The following SLC32A1 variants were observed in gnomAD, a reference collection of about 807,000 sequenced individuals.
The protein encoded by SLC32A1 is vesicular inhibitory amino acid transporter.
SLC32A1 carries 8 observed loss-of-function variants against 35.5 expected under a neutral mutation model. The observed-to-expected ratio is 0.23, with a 90% confidence interval of 0.13 to 0.41. The LOEUF is 0.41. Ranked by LOEUF, SLC32A1 falls within the 10% of genes least tolerant of loss-of-function variation. The pLI, the probability that SLC32A1 is intolerant of heterozygous loss-of-function variation, is 1.00. For synonymous variants in SLC32A1, 317 were observed against 326.3 expected (o/e 0.97, Z 0.31); for missense variants, 493 against 722.3 (o/e 0.68, Z 3.64).
Position 38,728,074 on chromosome 20 carries a change from G to C in SLC32A1, c.1013G>C (p.Cys338Ser). 6.2e-6 allele frequency: 10 copies of C among 1,614,036 alleles called. No individual in the cohort carries two copies. Among genetic ancestry groups the C allele is most frequent in the Non-Finnish European group, 8.5e-6 (10 of 1,180,048 alleles). The change falls in exon 2 of 2, where the codon TGC becomes TCC. Residue 338 changes from cysteine (C) to serine (S), a missense_variant. Coordinates refer to ENST00000217420, the MANE Select transcript of SLC32A1 (RefSeq NM_080552.3). Reference sequence around the variant, plus strand: ...ATGCAGCAGCCCAGCGAGTTCCACTGCATGATGAACTGGACGCACATCGCA... The same window carrying C: ...ATGCAGCAGCCCAGCGAGTTCCACTCCATGATGAACTGGACGCACATCGCA... Reference protein sequence around the residue: ...GNMQQPSEFHCMMNWTHIAAC... With the variant: ...GNMQQPSEFHSMMNWTHIAAC...
Position 38,724,527 on chromosome 20 carries a change from C to G in SLC32A1, c.-198C>G. ...CCGCCGCCGCCGCCGCTCCGCCAGA[C>G]CTGCTGCCAGCTTGCCCGGTCCAGC... On this transcript the variant is annotated 5_prime_UTR_variant, in exon 1 of 2. Transcript: ENST00000217420. The G allele has an allele frequency of 1.5e-6, 1 of 669,864 alleles. No homozygotes were observed. The highest frequency in any genetic ancestry group is 2.4e-6 in the Non-Finnish European group (1 of 419,334). The allele number at this position is 669,864 out of a possible 1,614,324, so 41.5% of individuals were successfully genotyped here.
intron 1 of SLC32A1, 55 bp downstream of exon 1, chr20:38,725,169 C>T (rs761709737): frequency 2.0e-6 from 3 of 1,496,174 alleles, no homozygotes; most frequent in African/African-American, 1.4e-5. Flanking sequence ...CTCAGCGTGC[C>T]GGGCTCTGCC....
intron 1 of SLC32A1, 139 bp from the exon 2 acceptor site, chr20:38,727,313 C>A: frequency 1.4e-6 from 1 of 736,640 alleles, no homozygotes; most frequent in Non-Finnish European, 2.2e-6. Flanking sequence ...CTTAACCTCT[C>A]CTCCCCGGCG....
Position 38,728,333 on chromosome 20 carries a change from C to A in SLC32A1, c.1272C>A (p.Gly424=). ...CCTTTTTCCCGGCCTGCTACAGCGG[C>A]GACGGGCGCCTGAAGTCCTGGGGGC... ...SRAFFPACYS[G]DGRLKSWGLT... is the part of the protein sequence containing the mutation. The change falls in exon 2 of 2, where the codon GGC becomes GGA. Residue 424 remains glycine, a synonymous_variant. Coordinates refer to ENST00000217420, the MANE Select transcript of SLC32A1 (RefSeq NM_080552.3). The A allele has an allele frequency of 6.2e-7, 1 of 1,613,218 alleles. No individual in the cohort carries two copies. The highest frequency in any genetic ancestry group is 1.3e-5 in the African/African-American group (1 of 75,072).
chr20:38,727,728 G>A lies in SLC32A1; in HGVS notation c.667G>A (p.Val223Met). The A allele has an allele frequency of 6.2e-7, 1 of 1,614,246 alleles. No individual in the cohort carries two copies. The highest frequency in any genetic ancestry group is 8.5e-7 in the Non-Finnish European group (1 of 1,180,048). Reference protein sequence around the residue: ...ELVMTCILYVVVSGNLMYNSF... With the variant: ...ELVMTCILYVMVSGNLMYNSF... ...GGTGATGACGTGCATCCTGTACGTG[G>A]TGGTGAGTGGCAACCTCATGTACAA... Residue 223 changes from valine to methionine, a missense_variant, in exon 2 of 2, where the codon GTG (valine) becomes ATG (methionine). By Grantham distance (21) the Val-to-Met change is conservative. This residue lies in a region of SLC32A1 where 269 missense variants were observed against 445.6 expected (regional missense o/e 0.60). Coordinates refer to ENST00000217420, the MANE Select transcript of SLC32A1 (RefSeq NM_080552.3).
At position 38,725,111 on chromosome 20, in the gene SLC32A1, C is replaced by A. The variant is rs2084269902; in HGVS notation, c.387C>A (p.Ile129=). 2.6e-6 allele frequency: 4 copies of A among 1,509,928 alleles called. No individual in the cohort carries two copies. The highest frequency in any genetic ancestry group is 3.5e-6 in the Non-Finnish European group (4 of 1,129,858). 93.5% of individuals were successfully genotyped at this position (1,509,928 alleles called of 1,614,324 possible). ...WEAGWNVTNA[I]QGMFVLGLPY... is the part of the protein sequence containing the mutation. ...CAGGCTGGAACGTGACCAACGCCAT[C>A]CAGGTAAGCGCGGGATTCCCAGTTC... Residue 129 remains isoleucine, a synonymous_variant, in exon 1 of 2, where the codon ATC becomes ATA. Transcript: ENST00000217420.
rs912430319 is a variant in SLC32A1 at position 38,726,338 on chromosome 20, G to C, written c.391-1114G>C. ...TCCACCGGGCCCCGAACACCAGATG[G>C]CCCGACCCAAGGCGCTTTCCGCTCC... On this transcript the variant is annotated intron_variant, in intron 1 of 1. Transcript: ENST00000217420. The surrounding 1 kb of genome is among the most constrained non-coding windows in gnomAD (Gnocchi z 4.7). 1.1e-4 allele frequency among the ~76,000 whole-genome samples: 16 copies of C among 152,118 alleles called. No homozygotes were observed. Among genetic ancestry groups the C allele is most frequent in the African/African-American group, 3.9e-4 (16 of 41,420 alleles).
At position 38,728,781 on chromosome 20, in the gene SLC32A1, G is replaced by T; in HGVS notation, c.*142G>T. ...CTGGTTCCTAGTTTCTGATTATTCG[G>T]GGATGGGGGGGATGGGAGGGGACAG... On this transcript the variant is annotated 3_prime_UTR_variant, in exon 2 of 2. Coordinates refer to ENST00000217420, the MANE Select transcript of SLC32A1 (RefSeq NM_080552.3). The T allele has an allele frequency of 1.6e-6, 1 of 643,762 alleles. No homozygotes were observed. Among genetic ancestry groups the T allele is most frequent in the Non-Finnish European group, 2.6e-6 (1 of 380,932 alleles). The allele number at this position is 643,762 out of a possible 1,614,324, so 39.9% of individuals were successfully genotyped here.
rs2084288373 is a variant in SLC32A1, at chr20:38,728,734, G to A, written c.*95G>A. The A allele has an allele frequency of 1.7e-6, 2 of 1,169,814 alleles. No individual in the cohort carries two copies. The highest frequency in any genetic ancestry group is 1.6e-5 in the South Asian group (1 of 64,042). The allele number at this position is 1,169,814 out of a possible 1,614,324, so 72.5% of individuals were successfully genotyped here. On this transcript the variant is annotated 3_prime_UTR_variant, in exon 2 of 2. Coordinates refer to ENST00000217420, the MANE Select transcript of SLC32A1 (RefSeq NM_080552.3). ...CCAGTGCGCCCTGCCGCCGCGCTTG[G>A]GAGGCCAAGCTTTAAACATCTCTGG...
At position 38,728,108 on chromosome 20, in the gene SLC32A1, G is replaced by T. The variant is rs761643328; in HGVS notation, c.1047G>T (p.Val349=). The T allele has an allele frequency of 6.2e-7, 1 of 1,614,094 alleles. No individual in the cohort carries two copies. The highest frequency in any genetic ancestry group is 8.5e-7 in the Non-Finnish European group (1 of 1,180,044). The change falls in exon 2 of 2, where the codon GTG becomes GTT. Residue 349 remains valine, a synonymous_variant. Coordinates refer to ENST00000217420, the MANE Select transcript of SLC32A1 (RefSeq NM_080552.3). ...ACTGGACGCACATCGCAGCCTGCGT[G>T]CTCAAGGGCCTCTTCGCGCTCGTCG... ...MMNWTHIAAC[V]LKGLFALVAY...
In SLC32A1 at chr20:38,724,993, G is replaced by A; in HGVS notation, c.269G>A (p.Gly90Glu). 1 of 1,584,928 alleles carries A rather than the reference G, an allele frequency of 6.3e-7. No homozygotes were observed. Among genetic ancestry groups the A allele is most frequent in the East Asian group, 2.3e-5 (1 of 44,334 alleles). ...EGDIHYQRGS[G>E]APLPPSGSKD... is the part of the protein sequence containing the mutation. ...GACATCCATTATCAGCGAGGCAGCG[G>A]AGCTCCTCTGCCGCCCTCCGGCTCC... Residue 90 changes from glycine (G) to glutamate (E), a missense_variant, in exon 1 of 2, where the codon GGA becomes GAA. Transcript: ENST00000217420.
rs537071804 is a variant in SLC32A1, at chr20:38,728,723, C to T, written c.*84C>T. 183 of 1,322,808 alleles carry T rather than the reference C, an allele frequency of 1.4e-4. 5 individuals carry two copies. The South Asian group carries it at 2.6e-3, about 19-fold the overall frequency. The allele number at this position is 1,322,808 out of a possible 1,614,324, so 81.9% of individuals were successfully genotyped here. ...CCCCCACCAGCCCAGTGCGCCCTGC[C>T]GCCGCGCTTGGGAGGCCAAGCTTTA... On this transcript the variant is annotated 3_prime_UTR_variant, in exon 2 of 2. Transcript: ENST00000217420.
chr20:38,726,045 A>C lies in SLC32A1; in HGVS notation c.390+931A>C, dbSNP rs112009959. On this transcript the variant is annotated intron_variant, in intron 1 of 1. Transcript: ENST00000217420. This position sits in a 1 kb window ranked among gnomAD's most constrained non-coding sequence, Gnocchi z 4.7. ...CCTGCTCTCTAGGCCCTCTCCCCTT[A>C]TTCCTAACCCCCCACTCCCCACCAG... 2.0e-5 allele frequency among the ~76,000 whole-genome samples: 3 copies of C among 151,894 alleles called. No homozygotes were observed. In the East Asian group the frequency reaches 5.8e-4, roughly 30 times the overall value.
Position 38,726,400 on chromosome 20 carries a change from C to A in SLC32A1, c.391-1052C>A, listed in dbSNP as rs1219646368. ...AGACGGCCTTGCTGGATCACGGACC[C>A]GGGGCTGCTCCCGCCTTCGCTGTGC... On this transcript the variant is annotated intron_variant, in intron 1 of 1. Transcript: ENST00000217420. This position sits in a 1 kb window ranked among gnomAD's most constrained non-coding sequence, Gnocchi z 4.7. Among the ~76,000 whole-genome samples, 3 of 152,166 alleles carry A rather than the reference C, an allele frequency of 2.0e-5. No individual in the cohort carries two copies. The highest frequency in any genetic ancestry group is 4.8e-5 in the African/African-American group (2 of 41,448).
chr20:38,727,660 C>G lies in SLC32A1; in HGVS notation c.599C>G (p.Thr200Arg), dbSNP rs761280843. ...GCCTGCTGCGCCCCGCGCTTCCCAA[C>G]GCTGGGCGGCCGAGTGGTGAACGTA... ...ANACCAPRFPTLGGRVVNVAQ... is the reference protein window; with the variant it reads ...ANACCAPRFPRLGGRVVNVAQ... The change falls in exon 2 of 2, where the codon ACG becomes AGG. Residue 200 changes from threonine (T) to arginine (R), a missense_variant. Transcript: ENST00000217420. The G allele has an allele frequency of 3.7e-6, 6 of 1,614,054 alleles. No individual in the cohort carries two copies. Among genetic ancestry groups the G allele is most frequent in the Non-Finnish European group, 5.1e-6 (6 of 1,180,060 alleles).
chr20:38,728,129 C>G lies in SLC32A1; in HGVS notation c.1068C>G (p.Leu356=). The G allele has an allele frequency of 6.2e-7, 1 of 1,614,122 alleles. No individual in the cohort carries two copies. Among genetic ancestry groups the G allele is most frequent in the African/African-American group, 1.3e-5 (1 of 75,076 alleles). ...GCGTGCTCAAGGGCCTCTTCGCGCT[C>G]GTCGCCTACCTCACCTGGGCCGACG... The part of the protein sequence containing the change: ...AACVLKGLFA[L]VAYLTWADET... The change falls in exon 2 of 2, where the codon CTC becomes CTG. Residue 356 remains leucine (L), a synonymous_variant. Coordinates refer to ENST00000217420, the MANE Select transcript of SLC32A1 (RefSeq NM_080552.3).
rs1273399925 is a variant in SLC32A1, at chr20:38,726,803, T to C, written c.391-649T>C. On this transcript the variant is annotated intron_variant, in intron 1 of 1. Transcript: ENST00000217420. This position sits in a 1 kb window ranked among gnomAD's most constrained non-coding sequence, Gnocchi z 4.7. ...CGCTGCTCCCCAAGCGTCTTCACAT[T>C]GTCTCTGTTCTTGCCTCCCAGGGGC... is the stretch of plus-strand genomic sequence containing the variant. Among the ~76,000 whole-genome samples, 3 of 152,138 alleles carry C rather than the reference T, an allele frequency of 2.0e-5. No individual in the cohort carries two copies. Among genetic ancestry groups the C allele is most frequent in the Admixed American group, 1.3e-4 (2 of 15,282 alleles).
Position 38,725,085 on chromosome 20 carries a change from G to T in SLC32A1, c.361G>T (p.Ala121Ser). 1 of 1,518,964 alleles carries T rather than the reference G, an allele frequency of 6.6e-7. No homozygotes were observed. The highest frequency in any genetic ancestry group is 8.8e-7 in the Non-Finnish European group (1 of 1,134,944). The allele number at this position is 1,518,964 out of a possible 1,614,324, so 94.1% of individuals were successfully genotyped here. Reference protein sequence around the residue: ...HDKPKITAWEAGWNVTNAIQG... With the variant: ...HDKPKITAWESGWNVTNAIQG... The stretch of plus-strand genomic sequence containing the variant: ...CAAGCCCAAAATCACGGCGTGGGAG[G>T]CAGGCTGGAACGTGACCAACGCCAT... The change falls in exon 1 of 2, where the codon GCA (alanine) becomes TCA (serine). Residue 121 changes from alanine (A) to serine (S), a missense_variant. Around this residue, in one of 4 missense-constraint regions of SLC32A1, gnomAD observed 45 missense variants for 91.1 expected, o/e 0.49. Transcript: ENST00000217420.
rs555877509 is a variant in SLC32A1 at position 38,726,807 on chromosome 20, T to G, written c.391-645T>G. Among the ~76,000 whole-genome samples, 36 of 152,160 alleles carry G rather than the reference T, an allele frequency of 2.4e-4. No individual in the cohort carries two copies. Among genetic ancestry groups the G allele is most frequent in the Middle Eastern group, 3.4e-3 (1 of 294 alleles). ...GCTCCCCAAGCGTCTTCACATTGTC[T>G]CTGTTCTTGCCTCCCAGGGGCTTTG... On this transcript the variant is annotated intron_variant, in intron 1 of 1. Coordinates refer to ENST00000217420, the MANE Select transcript of SLC32A1 (RefSeq NM_080552.3). This position sits in a 1 kb window ranked among gnomAD's most constrained non-coding sequence, Gnocchi z 4.7.
Sources: gnomAD v4.1 joint callset for allele counts (sites outside exome capture counted in the v4.1 genomes callset) on GRCh38, gnomAD v4.1.1 for gene constraint, gnomAD v4.1.1 regional missense constraint, Gnocchi (gnomAD v3.1) non-coding constraint, MANE v1.5 for transcripts, NCBI Gene and HGNC (gene_info 2026-07-23, HGNC 2026-07-21) for gene names.